The following HERC6 variants were observed in gnomAD, a reference collection of about 807,000 sequenced individuals.
The protein encoded by HERC6 is HECT and RLD domain containing E3 ubiquitin protein ligase family member 6.
In HERC6, 101 loss-of-function variants were observed where a neutral mutation model predicts 114.5. That is an observed-to-expected ratio of 0.88 (90% CI 0.75 to 1.04). The LOEUF (loss-of-function observed/expected upper bound fraction) is 1.04, where lower values mean the gene tolerates loss of function less well. HERC6 is among the 50% of genes least tolerant of loss of function. The probability of loss-of-function intolerance (pLI) is 0.00; values close to 1 mark genes in which losing one functional copy is unlikely to be tolerated. For synonymous variants in HERC6, 408 were observed against 436.2 expected (o/e 0.94, Z 0.81); for missense variants, 1,133 against 1,230.9 (o/e 0.92, Z 1.19).
At chr4:88,387,479 T>C (rs1446793958) in intron 3 of HERC6, among the ~76,000 whole-genome samples, 1 of 152,214 alleles carries the variant, frequency 6.6e-6, no homozygotes, top group Admixed American at 6.5e-5. Flanking sequence ...TTCAGGGATT[T>C]TAAATTATTT....
chr4:88,418,592 T>C (rs1408733119), intron 13 of HERC6, among the ~76,000 whole-genome samples: 1 of 152,222 alleles, frequency 6.6e-6, no homozygotes. Flanking sequence ...GTTTGGGTTC[T>C]CAGGGACACC....
At position 88,417,450 on chromosome 4, in the gene HERC6, A is replaced by G; in HGVS notation, c.1584A>G (p.Glu528=). ...VLKKCWAFLQ[E]SSLNPLIQML... ...AGAAGTGTTGGGCATTTTTGCAAGA[A>G]TCTTCTCTGAATCCGCTGATCCAGA... The change falls in exon 13 of 23, where the codon GAA becomes GAG. Residue 528 remains glutamate (E), a synonymous_variant. Transcript: ENST00000264346. The G allele has an allele frequency of 6.2e-7, 1 of 1,610,328 alleles. No individual in the cohort carries two copies. Among genetic ancestry groups the G allele is most frequent in the Non-Finnish European group, 8.5e-7 (1 of 1,178,212 alleles).
At chr4:88,434,174 T>G (rs554125346) in intron 17 of HERC6, among the ~76,000 whole-genome samples, 22 of 152,346 alleles carry the variant, frequency 1.4e-4, no homozygotes, top group African/African-American at 5.0e-4. Context: ...TTGAGAAGCA[T>G]GACAGGATGG....
chr4:88,420,807 G>T (rs1025602950), intron 13 of HERC6, among the ~76,000 whole-genome samples: 3 of 152,096 alleles, frequency 2.0e-5, no homozygotes, highest in African/African-American at 7.2e-5. Flanking sequence ...AATGTGCAAT[G>T]TAATACTTTT....
At chr4:88,409,502 C>A (rs184085356) in intron 11 of HERC6, among the ~76,000 whole-genome samples, 1 of 152,098 alleles carries the variant, frequency 6.6e-6, no homozygotes, top group African/African-American at 2.4e-5. Context: ...CTTATTGAAT[C>A]CTTAAATGTA....
Position 88,413,236 on chromosome 4 carries a change from G to A in HERC6, c.1528G>A (p.Glu510Lys). 1 of 1,612,926 alleles carries A rather than the reference G, an allele frequency of 6.2e-7. No individual in the cohort carries two copies. Among genetic ancestry groups the A allele is most frequent in the African/African-American group, 1.3e-5 (1 of 74,968 alleles). Reference protein sequence around the residue: ...LVVPFAKAVCEMSKQSLQVLK... With the variant: ...LVVPFAKAVCKMSKQSLQVLK... ...GGTTCCATTTGCAAAGGCTGTGTGT[G>A]AAATGAGTAAACAATCTTTGCAAGT... is the stretch of plus-strand genomic sequence containing the variant. The change falls in exon 12 of 23, where the codon GAA becomes AAA. Residue 510 changes from glutamate to lysine, a missense_variant. Around this residue, in one of 3 missense-constraint regions of HERC6, gnomAD observed 735 missense variants for 754.0 expected, o/e 0.97. Transcript: ENST00000264346.
chr4:88,395,963 T>C, intron 5 of HERC6, 52 bp from the exon 6 acceptor site: 1 of 1,522,126 alleles, frequency 6.6e-7, no homozygotes, highest in Non-Finnish European at 8.8e-7. Context: ...CAGTAAGCTT[T>C]TAGTTACCTT....
chr4:88,427,571 A>G (rs1419385365), intron 15 of HERC6, among the ~76,000 whole-genome samples: 1 of 152,224 alleles, frequency 6.6e-6, no homozygotes, highest in Admixed American at 6.5e-5. Flanking sequence ...AACCAGAAGA[A>G]TCTAGTAATA....
intron 17 of HERC6, among the ~76,000 whole-genome samples, chr4:88,435,335 T>C (rs1738630223): frequency 6.6e-6 from 1 of 152,004 alleles, no homozygotes; most frequent in African/African-American, 2.4e-5. Flanking sequence ...GCGAGGCTCA[T>C]CTAATATGCC....
At chr4:88,391,915 C>A (rs892214574) in intron 4 of HERC6, among the ~76,000 whole-genome samples, 4 of 149,892 alleles carry the variant, frequency 2.7e-5, no homozygotes, top group African/African-American at 9.7e-5. Context: ...CTAAGTTTTT[C>A]TTTCCTTTCC....
Position 88,424,490 on chromosome 4 carries a change from G to A in HERC6, c.1828-105G>A, listed in dbSNP as rs1737392926. ...CAAGACTCTGCCTTAAAAAAACAAA[G>A]AACCACAAAAACCAGATTCCAAAAA... On this transcript the variant is annotated intron_variant, in intron 14 of 22. Transcript: ENST00000264346. 13 of 843,032 alleles carry A rather than the reference G, an allele frequency of 1.5e-5. No homozygotes were observed. The South Asian group carries it at 2.0e-4, about 13-fold the overall frequency. 52.2% of individuals were successfully genotyped at this position (843,032 alleles called of 1,614,324 possible). A position where few individuals can be genotyped will look rare whatever the true frequency, so the allele number is the denominator to read the frequency against.
At chr4:88,439,819 A>T in intron 20 of HERC6, 55 bp from the exon 21 acceptor site, 2 of 1,362,072 alleles carry the variant, frequency 1.5e-6, no homozygotes, top group Non-Finnish European at 1.9e-6. Flanking sequence ...AAATCTTTTA[A>T]TCATTGGCCT....
At chr4:88,419,154 A>T (rs969667067) in intron 13 of HERC6, among the ~76,000 whole-genome samples, 5 of 152,224 alleles carry the variant, frequency 3.3e-5, no homozygotes, top group African/African-American at 1.2e-4. Flanking sequence ...ATACTGTTAG[A>T]TCAACTCAGT....
At position 88,413,113 on chromosome 4, in the gene HERC6, C is replaced by T; in HGVS notation, c.1405C>T (p.Leu469Phe). 6.2e-7 allele frequency: 1 copy of T among 1,613,456 alleles called. No individual in the cohort carries two copies. Among genetic ancestry groups the T allele is most frequent in the Non-Finnish European group, 8.5e-7 (1 of 1,179,594 alleles). The stretch of plus-strand genomic sequence containing the variant: ...TCTCGAGGATGATCTGCTCAGAGCT[C>T]TTCCATGCCATTCTCCACACCAAGA... ...TCLEDDLLRA[L>F]PCHSPHQEAL... The change falls in exon 12 of 23, where the codon CTT (leucine) becomes TTT (phenylalanine). Residue 469 changes from leucine (L) to phenylalanine (F), a missense_variant. Coordinates refer to ENST00000264346, the MANE Select transcript of HERC6 (RefSeq NM_017912.4).
chr4:88,392,481 T>G (rs891461436), intron 4 of HERC6, among the ~76,000 whole-genome samples: 1 of 152,140 alleles, frequency 6.6e-6, no homozygotes, highest in Non-Finnish European at 1.5e-5. Flanking sequence ...TGAGACACCA[T>G]GCCTGACCAG....
chr4:88,413,048 T>A (rs1393684709), intron 11 of HERC6, 29 bp from the exon 12 acceptor site: 4 of 1,539,546 alleles, frequency 2.6e-6, no homozygotes, highest in Non-Finnish European at 3.6e-6. Context: ...ATATCCTGGG[T>A]CTGTTCCCTG....
At chr4:88,423,726 C>T (rs1369894171) in intron 13 of HERC6, 134 bp from the exon 14 acceptor site, 2 of 424,294 alleles carry the variant, frequency 4.7e-6, no homozygotes, top group Admixed American at 4.4e-5. Context: ...TCTATTTCAT[C>T]ACTGACAAAT....
intron 16 of HERC6, among the ~76,000 whole-genome samples, chr4:88,429,714 A>G (rs146863216): frequency 1.3e-5 from 2 of 152,336 alleles, no homozygotes; most frequent in Non-Finnish European, 2.9e-5. Context: ...AGTGGGATTC[A>G]GATAAAAAAG....
chr4:88,430,525 G>A (rs781465599), intron 16 of HERC6, among the ~76,000 whole-genome samples: 2 of 151,708 alleles, frequency 1.3e-5, no homozygotes, highest in African/African-American at 2.4e-5. Context: ...AGCTGAGATC[G>A]TGCCATTGCA....
Sources: allele counts gnomAD v4.1 joint callset (sites outside exome capture counted in the v4.1 genomes callset), GRCh38; gene constraint gnomAD v4.1.1; regional missense constraint gnomAD v4.1.1; transcripts MANE v1.5; gene names NCBI Gene and HGNC (gene_info 2026-07-23, HGNC 2026-07-21).